DNAJA2: variants seen among roughly 807,000 people sequenced by gnomAD.
DNAJA2 encodes dnaJ homolog subfamily A member 2.
In DNAJA2, 6 loss-of-function variants were observed where a neutral mutation model predicts 49.3. The observed-to-expected ratio is 0.12, with a 90% confidence interval of 0.07 to 0.24. The LOEUF (loss-of-function observed/expected upper bound fraction) is 0.24. DNAJA2 is among the 10% of genes least tolerant of loss of function. The pLI, the probability that DNAJA2 is intolerant of heterozygous loss-of-function variation, is 1.00. For synonymous variants in DNAJA2, 160 were observed against 172.7 expected, an observed-to-expected ratio of 0.93 and a Z score of 0.58; for missense variants, 347 against 516.8, an observed-to-expected ratio of 0.67 and a Z score of 3.19.
At chr16:46,965,219 C>CA (rs1401315501) in intron 5 of DNAJA2, among the ~76,000 whole-genome samples, 1 of 151,546 alleles carries the variant, frequency 6.6e-6, no homozygotes, top group Admixed American at 6.6e-5. Flanking sequence ...CAAAACAAAA[C>CA]AAAAAAAAGC....
At chr16:46,970,566 C>G (rs56016672) in intron 3 of DNAJA2, among the ~76,000 whole-genome samples, 2 of 150,334 alleles carry the variant, frequency 1.3e-5, no homozygotes, top group African/African-American at 4.9e-5. Flanking sequence ...GAAACCCTGT[C>G]TCTACTAAAA....
chr16:46,957,362 T>C (rs1457981700), intron 8 of DNAJA2, 142 bp from the exon 9 acceptor site: 1 of 786,712 alleles, frequency 1.3e-6, no homozygotes, highest in Non-Finnish European at 2.0e-6. Flanking sequence ...CCCAGCACTT[T>C]GGAAGGCTGA....
intron 6 of DNAJA2, among the ~76,000 whole-genome samples, chr16:46,960,841 G>C (rs1189932223): frequency 1.3e-5 from 2 of 151,496 alleles, no homozygotes; most frequent in Non-Finnish European, 2.9e-5. Context: ...TGGGAGGCCA[G>C]TTCAAAACAG....
intron 4 of DNAJA2, 123 bp downstream of exon 4, chr16:46,967,961 G>A (rs773304184): frequency 9.2e-5 from 88 of 952,864 alleles, no homozygotes; most frequent in Non-Finnish European, 1.2e-4. Context: ...GGGATTTCAG[G>A]TGTGAGCCAC....
At position 46,968,073 on chromosome 16, in the gene DNAJA2, GAC is replaced by G. The variant is rs765151687; in HGVS notation, c.443+9_443+10del. Reference sequence around the variant, plus strand: ...ACAAAATGTACCCAATAAACCAGAAGACACACTTACCCACTGCATGCACTACA... The same window carrying G: ...ACAAAATGTACCCAATAAACCAGAAGACACTTACCCACTGCATGCACTACA... On this transcript the variant is annotated intron_variant, in intron 4 of 8. Transcript: ENST00000317089. 5.7e-6 allele frequency: 9 copies of G among 1,587,574 alleles called. No homozygotes were observed. The East Asian group carries it at 1.8e-4, about 32-fold the overall frequency.
intron 3 of DNAJA2, among the ~76,000 whole-genome samples, chr16:46,970,027 T>C (rs930833223): frequency 6.6e-6 from 1 of 152,218 alleles, no homozygotes; most frequent in Non-Finnish European, 1.5e-5. Context: ...AAGGATTCAA[T>C]GAGACTCAAA....
At chr16:46,960,342 T>C (rs1047119898) in intron 6 of DNAJA2, among the ~76,000 whole-genome samples, 3 of 152,236 alleles carry the variant, frequency 2.0e-5, no homozygotes, top group African/African-American at 7.2e-5. Flanking sequence ...CCAGCATCTG[T>C]AGTCCTAACA....
intron 1 of DNAJA2, chr16:46,972,512 G>A (rs768211075): frequency 2.8e-4 from 43 of 154,812 alleles, no homozygotes; most frequent in Non-Finnish European, 5.1e-4. Flanking sequence ...CGGTGGTAGA[G>A]AAGTTGCACA....
Position 46,958,871 on chromosome 16 carries a change from G to A in DNAJA2, c.1047+132C>T, listed in dbSNP as rs1473587413. 8.7e-6 allele frequency: 8 copies of A among 924,264 alleles called. No individual in the cohort carries two copies. In the East Asian group the frequency reaches 2.1e-4, roughly 25 times the overall value. The allele number at this position is 924,264 out of a possible 1,614,324, so 57.3% of individuals were successfully genotyped here. A position where few individuals can be genotyped will look rare whatever the true frequency, so the allele number is the denominator to read the frequency against. ...AGGTGAGAGGATCGCTTCAGCCCAG[G>A]AGGTCGAGGCTGCAGTGAGCCACGA... On this transcript the variant is annotated intron_variant, in intron 8 of 8. Coordinates refer to ENST00000317089, the MANE Select transcript of DNAJA2 (RefSeq NM_005880.4).
intron 3 of DNAJA2, among the ~76,000 whole-genome samples, chr16:46,968,978 T>A (rs1962010747): frequency 6.6e-6 from 1 of 152,144 alleles, no homozygotes; most frequent in South Asian, 2.1e-4. Flanking sequence ...GCCCTGGAGA[T>A]TGAGGCTGCA....
intron 6 of DNAJA2, among the ~76,000 whole-genome samples, chr16:46,962,930 T>C (rs1181609886): frequency 6.6e-6 from 1 of 152,210 alleles, no homozygotes; most frequent in Non-Finnish European, 1.5e-5. Context: ...TGTTCTCTAT[T>C]GGATTCTTAA....
chr16:46,973,429 G>A (rs1962086609), intron 1 of DNAJA2, 66 bp downstream of exon 1: 1 of 1,462,774 alleles, frequency 6.8e-7, no homozygotes, highest in African/African-American at 1.5e-5. Flanking sequence ...CGGCCTGGCT[G>A]AAGAAGACAT....
At chr16:46,963,834 C>T (rs748512683) in intron 6 of DNAJA2, among the ~76,000 whole-genome samples, 10 of 152,162 alleles carry the variant, frequency 6.6e-5, no homozygotes, top group Non-Finnish European at 1.5e-4. Flanking sequence ...AAAACCAAAT[C>T]GACAGAGCAG....
chr16:46,962,611 T>C (rs1293506109), intron 6 of DNAJA2, among the ~76,000 whole-genome samples: 2 of 152,188 alleles, frequency 1.3e-5, no homozygotes, highest in Non-Finnish European at 1.5e-5. Context: ...GGTATGGTGG[T>C]GTGCACAGCA....
chr16:46,970,730 C>CAAAAAAAAAA (rs10523905), intron 3 of DNAJA2, among the ~76,000 whole-genome samples: 4,929 of 32,104 alleles, frequency 0.15, 1,832 homozygotes, highest in East Asian at 0.22. Flanking sequence ...GACTCCATTT[C>CAAAAAAAAAA]AAAAAAAAAA....
At chr16:46,957,602 C>CA (rs35145263) in intron 8 of DNAJA2, among the ~76,000 whole-genome samples, 7 of 146,716 alleles carry the variant, frequency 4.8e-5, no homozygotes, top group East Asian at 2.0e-4. Flanking sequence ...GACTCCATCT[C>CA]AAAAAAAAAA....
At chr16:46,963,626 A>AGGG (rs1445054902) in intron 6 of DNAJA2, among the ~76,000 whole-genome samples, 1 of 152,030 alleles carries the variant, frequency 6.6e-6, no homozygotes, top group Non-Finnish European at 1.5e-5. Context: ...GCTTGGGCCC[A>AGGG]GGGGCGAAGG....
chr16:46,960,802 T>A (rs1567352855), intron 6 of DNAJA2, among the ~76,000 whole-genome samples: 1 of 143,766 alleles, frequency 7.0e-6, no homozygotes, highest in Non-Finnish European at 1.5e-5. Context: ...TAAAAAAATT[T>A]AAAAAAGCTA....
At chr16:46,967,674 GT>G in intron 4 of DNAJA2, 28 bp from the exon 5 acceptor site, 1 of 1,613,716 alleles carries the variant, frequency 6.2e-7, no homozygotes, top group Non-Finnish European at 8.5e-7. Flanking sequence ...TATGCATTAG[GT>G]TTTTGTCCAC....
Sources: gnomAD v4.1 joint callset for allele counts (sites outside exome capture counted in the v4.1 genomes callset) on GRCh38, gnomAD v4.1.1 for gene constraint, MANE v1.5 for transcripts, NCBI Gene and HGNC (gene_info 2026-07-23, HGNC 2026-07-21) for gene names.